KIAA1217: variants seen among roughly 807,000 people sequenced by gnomAD.
KIAA1217 encodes sickle tail protein homolog.
Under a neutral mutation model 163.9 loss-of-function variants are expected in KIAA1217, and 88 were observed. That is an observed-to-expected ratio of 0.54 (90% CI 0.45 to 0.64). The LOEUF (loss-of-function observed/expected upper bound fraction) is 0.64, where lower values mean the gene tolerates loss of function less well. KIAA1217 is among the 30% of genes least tolerant of loss of function. KIAA1217 has a pLI of 0.00. For missense variants in KIAA1217, 2,372 were observed against 2,475.0 expected (o/e 0.96, Z 0.88); for synonymous variants, 903 against 923.1 (o/e 0.98, Z 0.39).
chr10:24,329,193 G>A (rs1279934992), intron 2 of KIAA1217, among the ~76,000 whole-genome samples: 3 of 146,692 alleles, frequency 2.0e-5, no homozygotes, highest in Non-Finnish European at 4.5e-5. Context: ...TATATACATA[G>A]TATATAAATA....
chr10:23,773,942 A>G (rs554705940), intron 1 of KIAA1217, among the ~76,000 whole-genome samples: 1 of 152,138 alleles, frequency 6.6e-6, no homozygotes, highest in East Asian at 1.9e-4. Flanking sequence ...CTAATTGAAT[A>G]CCATTTATTT....
chr10:24,370,849 A>G (rs1436951313), intron 2 of KIAA1217, among the ~76,000 whole-genome samples: 1 of 152,208 alleles, frequency 6.6e-6, no homozygotes, highest in Non-Finnish European at 1.5e-5. Context: ...AAGTGCTGCA[A>G]TTATAGGTGT....
intron 10 of KIAA1217, among the ~76,000 whole-genome samples, chr10:24,515,060 T>C (rs1455003564): frequency 6.6e-6 from 1 of 151,860 alleles, no homozygotes; most frequent in Non-Finnish European, 1.5e-5. Flanking sequence ...AATTTTCCAA[T>C]AAAATTATGA....
At position 24,495,139 on chromosome 10, in the gene KIAA1217, T is replaced by G; in HGVS notation, c.1785-8T>G. ...CTGCATAGCTGACTCTCTTTTTCTT[T>G]TATTCAGCGAGAAAATGATGAAAAC... is the stretch of plus-strand genomic sequence containing the variant. On this transcript the variant is annotated splice_region_variant and splice_polypyrimidine_tract_variant and intron_variant, in intron 7 of 20. Transcript: ENST00000376454. 1 of 1,611,416 alleles carries G rather than the reference T, an allele frequency of 6.2e-7. No individual in the cohort carries two copies. The highest frequency in any genetic ancestry group is 8.5e-7 in the Non-Finnish European group (1 of 1,179,156).
upstream of KIAA1217, among the ~76,000 whole-genome samples, chr10:24,205,655 C>T (rs959181002): frequency 1.3e-5 from 2 of 151,824 alleles, no homozygotes; most frequent in Non-Finnish European, 2.9e-5. Flanking sequence ...TGCCTGTAGT[C>T]CCAGCTACTT....
chr10:24,336,496 G>T (rs750350726), intron 2 of KIAA1217, among the ~76,000 whole-genome samples: 1 of 152,200 alleles, frequency 6.6e-6, no homozygotes, highest in Non-Finnish European at 1.5e-5. Flanking sequence ...CTTGCACTCA[G>T]TATGTTAGGT....
At chr10:24,206,502 G>T (rs1245260529), upstream of KIAA1217, among the ~76,000 whole-genome samples, 2 of 152,176 alleles carry the variant, frequency 1.3e-5, no homozygotes, top group South Asian at 2.1e-4. Context: ...TTGTTAGGAA[G>T]GTCTCTGTGC....
chr10:23,922,062 C>T (rs761924963), intron 1 of KIAA1217, among the ~76,000 whole-genome samples: 1 of 151,866 alleles, frequency 6.6e-6, no homozygotes, highest in African/African-American at 2.4e-5. Flanking sequence ...CCACCAACAG[C>T]CTCCTGGGAG....
intron 1 of KIAA1217, among the ~76,000 whole-genome samples, chr10:23,748,207 G>A (rs147922161): frequency 8.1e-4 from 124 of 152,170 alleles, no homozygotes; most frequent in African/African-American, 2.9e-3. Context: ...ACATCTTTTG[G>A]AGTGCTTGTT....
intron 2 of KIAA1217, among the ~76,000 whole-genome samples, chr10:24,197,774 C>T (rs992827397): frequency 6.6e-6 from 1 of 152,208 alleles, no homozygotes; most frequent in Non-Finnish European, 1.5e-5. Flanking sequence ...ATCCATTCTC[C>T]ACACAGATTT....
At chr10:23,938,256 G>A (rs1589113285) in intron 1 of KIAA1217, among the ~76,000 whole-genome samples, 1 of 152,100 alleles carries the variant, frequency 6.6e-6, no homozygotes, top group African/African-American at 2.4e-5. Context: ...CAGATAGAGT[G>A]CTTCGATGGG....
intron 1 of KIAA1217, among the ~76,000 whole-genome samples, chr10:23,772,222 C>T (rs565085954): frequency 1.1e-3 from 165 of 152,214 alleles, no homozygotes; most frequent in African/African-American, 1.7e-3. Flanking sequence ...TTTGCCTCAG[C>T]GGACAGCAGA....
chr10:24,215,827 G>A (rs1243042488), intron 1 of KIAA1217, among the ~76,000 whole-genome samples: 1 of 152,156 alleles, frequency 6.6e-6, no homozygotes, highest in East Asian at 1.9e-4. Context: ...GGTGCCTCGA[G>A]GTAGGAGGGG....
chr10:24,182,869 T>A (rs1345156935), intron 2 of KIAA1217, among the ~76,000 whole-genome samples: 1 of 152,202 alleles, frequency 6.6e-6, no homozygotes, highest in South Asian at 2.1e-4. Flanking sequence ...ACTCTAGTTA[T>A]GCAAGGGGCT....
At chr10:23,982,996 G>A (rs567800856) in intron 1 of KIAA1217, among the ~76,000 whole-genome samples, 26 of 152,080 alleles carry the variant, frequency 1.7e-4, no homozygotes, top group East Asian at 1.6e-3. Flanking sequence ...CCTTGATCTC[G>A]GCTGGGTTGG....
intron 2 of KIAA1217, among the ~76,000 whole-genome samples, chr10:24,050,638 G>A (rs1185724250): frequency 6.6e-6 from 1 of 152,096 alleles, no homozygotes; most frequent in Non-Finnish European, 1.5e-5. Context: ...TATTTCTGAG[G>A]CTCTGTTCTA....
chr10:24,335,481 G>A (rs1000627057), intron 2 of KIAA1217, among the ~76,000 whole-genome samples: 10 of 151,380 alleles, frequency 6.6e-5, no homozygotes, highest in East Asian at 5.8e-4. Flanking sequence ...TTTTATTATG[G>A]GATGAAAAAG....
chr10:24,024,960 A>T (rs920102844), intron 2 of KIAA1217, among the ~76,000 whole-genome samples: 2 of 151,796 alleles, frequency 1.3e-5, no homozygotes, highest in Non-Finnish European at 3.0e-5. Flanking sequence ...TTTGGAAAAT[A>T]TGTCTCAATC....
In KIAA1217 at chr10:23,858,921, C is replaced by T. The variant is rs965808620; in HGVS notation, c.-320-148304C>T. Among the ~76,000 whole-genome samples, 11 of 152,200 alleles carry T rather than the reference C, an allele frequency of 7.2e-5. 1 individual carries two copies. Among genetic ancestry groups the T allele is most frequent in the Admixed American group, 7.2e-4 (11 of 15,276 alleles). On this transcript the variant is annotated intron_variant, in intron 1 of 18. Transcript: ENST00000376462. ...AAATCGTCCTTACTTAGATATAAAG[C>T]TACCACTTCTCTTTCCTCCCTCGTA...
Sources: allele counts gnomAD v4.1 joint callset (sites outside exome capture counted in the v4.1 genomes callset), GRCh38; gene constraint gnomAD v4.1.1; transcripts MANE v1.5; gene names NCBI Gene and HGNC (gene_info 2026-07-23, HGNC 2026-07-21).